The following ACAP2 variants were observed in gnomAD, a reference collection of about 807,000 sequenced individuals.
ACAP2 encodes ArfGAP with coiled-coil, ankyrin repeat and PH domains 2, also known as arf-GAP with coiled-coil, ANK repeat and PH domain-containing protein 2.
In ACAP2, 39 loss-of-function variants were observed where a neutral mutation model predicts 115.8. The ratio of observed to expected loss-of-function variants is 0.34; its 90% CI spans 0.26 to 0.44. The LOEUF is 0.44. Among genes scored for constraint, ACAP2 ranks in the 20% least tolerant of loss-of-function variants. ACAP2 has a pLI of 1.00. For missense variants in ACAP2, 662 were observed against 927.6 expected (o/e 0.71, Z 3.72); for synonymous variants, 289 against 315.8 (o/e 0.92, Z 0.90).
chr3:195,426,964 G>A (rs773315181), intron 1 of ACAP2, among the ~76,000 whole-genome samples: 1 of 143,078 alleles, frequency 7.0e-6, no homozygotes, highest in Non-Finnish European at 1.5e-5. Context: ...GTCAACATCC[G>A]AATCCTCAGA....
intron 1 of ACAP2, among the ~76,000 whole-genome samples, chr3:195,401,828 A>G (rs893923906): frequency 6.6e-6 from 1 of 152,212 alleles, no homozygotes; most frequent in Non-Finnish European, 1.5e-5. Context: ...GCTGTGTTTA[A>G]AAAACCGTTT....
intron 7 of ACAP2, 109 bp from the exon 8 acceptor site, chr3:195,333,232 G>A: frequency 2.0e-6 from 1 of 492,914 alleles, no homozygotes; most frequent in Admixed American, 4.5e-5. Flanking sequence ...TGCTCTGTTT[G>A]CTCTGTCGCC....
At chr3:195,285,265 T>C (rs1191658927) in intron 22 of ACAP2, 1 of 152,264 alleles carries the variant, frequency 6.6e-6, no homozygotes, top group Non-Finnish European at 1.5e-5. Flanking sequence ...AGTACAAAAC[T>C]CATCAGTAAA....
At chr3:195,328,792 T>TCTTGCGGCTGGGCGTGGCGG (rs1457794636) in intron 8 of ACAP2, among the ~76,000 whole-genome samples, 2 of 152,236 alleles carry the variant, frequency 1.3e-5, no homozygotes, top group Non-Finnish European at 2.9e-5. Flanking sequence ...AAGAAATGTC[T>TCTTGCGGCTGGGCGTGGCGG]CTTGCGGCTG....
chr3:195,363,294 G>GACAC (rs1416734753), intron 4 of ACAP2, among the ~76,000 whole-genome samples: 4 of 152,160 alleles, frequency 2.6e-5, no homozygotes, highest in Admixed American at 2.6e-4. Flanking sequence ...TGTTGAAGAG[G>GACAC]ACACAAATTA....
intron 7 of ACAP2, among the ~76,000 whole-genome samples, chr3:195,333,992 C>A (rs1230078844): frequency 6.6e-6 from 1 of 151,968 alleles, no homozygotes; most frequent in Non-Finnish European, 1.5e-5. Flanking sequence ...CATTAATGGG[C>A]AGAGATTTGT....
chr3:195,396,017 G>A (rs1392039779), intron 1 of ACAP2, among the ~76,000 whole-genome samples: 3 of 152,130 alleles, frequency 2.0e-5, no homozygotes, highest in Middle Eastern at 3.2e-3. Flanking sequence ...TTGGGAGGCT[G>A]AAGTGGGTGG....
intron 20 of ACAP2, among the ~76,000 whole-genome samples, chr3:195,291,098 A>G (rs1387615419): frequency 6.6e-6 from 1 of 152,160 alleles, no homozygotes; most frequent in East Asian, 1.9e-4. Context: ...ATACCCTGAG[A>G]TATCTTATTA....
chr3:195,341,299 G>C (rs1033749571), intron 6 of ACAP2, among the ~76,000 whole-genome samples: 45 of 136,530 alleles, frequency 3.3e-4, no homozygotes, highest in Non-Finnish European at 8.0e-5. Context: ...GGGTTTTTTC[G>C]TTTGTTTGTT....
At chr3:195,331,604 T>C (rs1366698661) in intron 8 of ACAP2, among the ~76,000 whole-genome samples, 1 of 151,802 alleles carries the variant, frequency 6.6e-6, no homozygotes, top group Non-Finnish European at 1.5e-5. Flanking sequence ...TGAGCCACCA[T>C]GCCTGGCATA....
At chr3:195,434,985 C>T (rs1321019423) in intron 1 of ACAP2, among the ~76,000 whole-genome samples, 2 of 150,458 alleles carry the variant, frequency 1.3e-5, no homozygotes, top group Non-Finnish European at 2.9e-5. Context: ...GTCACTCTAA[C>T]TAAAGATGTG....
chr3:195,304,084 A>T (rs559252586), intron 13 of ACAP2, among the ~76,000 whole-genome samples: 53 of 140,936 alleles, frequency 3.8e-4, no homozygotes, highest in African/African-American at 1.4e-3. Flanking sequence ...GAATCGCTTG[A>T]ACCTGGGAGG....
chr3:195,423,373 A>G (rs1714342398), intron 1 of ACAP2, among the ~76,000 whole-genome samples: 1 of 152,184 alleles, frequency 6.6e-6, no homozygotes, highest in Non-Finnish European at 1.5e-5. Context: ...CTCTAATCCC[A>G]GCACTTTGGG....
intron 9 of ACAP2, chr3:195,326,302 C>T (rs1729789812): frequency 6.6e-6 from 1 of 152,222 alleles, no homozygotes; most frequent in South Asian, 2.1e-4. Context: ...TCACACTAAA[C>T]TCTTTTAGCA....
chr3:195,441,881 C>CTCA (rs1159961601), intron 1 of ACAP2: 1 of 152,246 alleles, frequency 6.6e-6, no homozygotes, highest in Admixed American at 6.5e-5. Context: ...ACGACCGCCT[C>CTCA]TCACATAGAA....
At chr3:195,333,222 T>C in intron 7 of ACAP2, 99 bp from the exon 8 acceptor site, 2 of 508,942 alleles carry the variant, frequency 3.9e-6, no homozygotes, top group South Asian at 4.7e-5. Context: ...GACAGGGTCT[T>C]GCTCTGTTTG....
chr3:195,306,776 A>G (rs1728449112), intron 12 of ACAP2, 160 bp from the exon 13 acceptor site: 1 of 506,346 alleles, frequency 2.0e-6, no homozygotes, highest in Admixed American at 4.0e-5. Flanking sequence ...TTTAGGGCAA[A>G]GTATGTTAAC....
chr3:195,318,328 T>G (rs1729225505), intron 10 of ACAP2, among the ~76,000 whole-genome samples: 1 of 152,168 alleles, frequency 6.6e-6, no homozygotes, highest in Non-Finnish European at 1.5e-5. Context: ...GGAAGCCACT[T>G]TGGAAATGAG....
chr3:195,327,812 T>C (rs1224617489), intron 8 of ACAP2, among the ~76,000 whole-genome samples: 2 of 151,912 alleles, frequency 1.3e-5, no homozygotes, highest in East Asian at 3.9e-4. Flanking sequence ...GTGCCTGTAA[T>C]CCTACCTACT....
Sources: gnomAD v4.1 joint callset for allele counts (sites outside exome capture counted in the v4.1 genomes callset) on GRCh38, gnomAD v4.1.1 for gene constraint, MANE v1.5 for transcripts, NCBI Gene and HGNC (gene_info 2026-07-23, HGNC 2026-07-21) for gene names.